Variants in PCDH15 observed in about 807,000 individuals in gnomAD.
PCDH15 encodes the protein protocadherin-15.
In PCDH15, 129 loss-of-function variants were observed where a neutral mutation model predicts 178.5. The ratio of observed to expected loss-of-function variants is 0.72; its 90% CI spans 0.63 to 0.84. PCDH15 has a LOEUF of 0.84. PCDH15 is among the 40% of genes least tolerant of loss of function. PCDH15 has a pLI of 0.00. For missense variants in PCDH15, 2,230 were observed against 2,099.9 expected, an observed-to-expected ratio of 1.06 and a Z score of -1.21; for synonymous variants, 800 against 732.0, an observed-to-expected ratio of 1.09 and a Z score of -1.50.
chr10:55,055,623 T>G (rs896842496), intron 2 of PCDH15, among the ~76,000 whole-genome samples: 3 of 151,998 alleles, frequency 2.0e-5, no homozygotes, highest in African/African-American at 7.2e-5. Context: ...GACAACATGT[T>G]GAAACCTTAT....
At chr10:53,894,289 C>T (rs1241696439) in intron 26 of PCDH15, among the ~76,000 whole-genome samples, 1 of 152,186 alleles carries the variant, frequency 6.6e-6, no homozygotes, top group Non-Finnish European at 1.5e-5. Flanking sequence ...CACCCTCAGA[C>T]ACCTACATAT....
chr10:54,955,301 C>T (rs2131878626), intron 2 of PCDH15, among the ~76,000 whole-genome samples: 1 of 151,264 alleles, frequency 6.6e-6, no homozygotes, highest in African/African-American at 2.4e-5. Context: ...TTTTGTTTTT[C>T]TTTTTACCTC....
intron 15 of PCDH15, among the ~76,000 whole-genome samples, chr10:54,129,412 A>G (rs2133009223): frequency 6.6e-6 from 1 of 152,316 alleles, no homozygotes; most frequent in East Asian, 1.9e-4. Context: ...GTTATTAGAA[A>G]AACATTTCCC....
chr10:54,721,049 C>T (rs977883069), intron 1 of PCDH15, among the ~76,000 whole-genome samples: 4 of 151,960 alleles, frequency 2.6e-5, no homozygotes, highest in African/African-American at 9.7e-5. Context: ...TCTTGGATCA[C>T]AGTGGAATAA....
chr10:54,741,099 T>C (rs765440093), intron 1 of PCDH15, among the ~76,000 whole-genome samples: 5 of 151,838 alleles, frequency 3.3e-5, no homozygotes, highest in Non-Finnish European at 5.9e-5. Context: ...ACACATTGTA[T>C]GCATGTATCA....
intron 2 of PCDH15, among the ~76,000 whole-genome samples, chr10:54,587,150 G>T (rs1202013936): frequency 6.6e-6 from 1 of 152,016 alleles, no homozygotes; most frequent in Non-Finnish European, 1.5e-5. Flanking sequence ...GTGACCATTG[G>T]CATCATCTTT....
chr10:55,260,508 T>C (rs1487203067), intron 1 of PCDH15, among the ~76,000 whole-genome samples: 1 of 151,884 alleles, frequency 6.6e-6, no homozygotes, highest in Non-Finnish European at 1.5e-5. Flanking sequence ...AATAAATTAG[T>C]CAAAAACACA....
intron 3 of PCDH15, among the ~76,000 whole-genome samples, chr10:54,408,786 T>C (rs1953047050): frequency 6.6e-6 from 1 of 152,154 alleles, no homozygotes; most frequent in African/African-American, 2.4e-5. Flanking sequence ...CTTTTTGCAG[T>C]TACAAATCGG....
rs145292191 is a variant in PCDH15, at chr10:54,658,659, A to C, written c.91+5513T>G. Among the ~76,000 whole-genome samples, 15 of 152,312 alleles carry C rather than the reference A, an allele frequency of 9.8e-5. No homozygotes were observed. In the East Asian group the frequency reaches 2.9e-3, roughly 29 times the overall value. On this transcript the variant is annotated intron_variant, in intron 2 of 37. Transcript: ENST00000644397. ...TAAAGGACTTCTAAACATGCAAATG[A>C]AAGGACAATACTTGCTACCAGAAAA...
At chr10:53,874,098 C>A (rs1468308437) in intron 26 of PCDH15, among the ~76,000 whole-genome samples, 4 of 152,000 alleles carry the variant, frequency 2.6e-5, no homozygotes, top group Non-Finnish European at 4.4e-5. Context: ...ATATAAAAAC[C>A]ATAGTACTGA....
At chr10:55,118,472 G>T (rs540423881) in intron 2 of PCDH15, among the ~76,000 whole-genome samples, 1 of 152,182 alleles carries the variant, frequency 6.6e-6, no homozygotes, top group South Asian at 2.1e-4. Context: ...TTTCAACTTT[G>T]ACTGTATATT....
At chr10:53,858,487 T>C (rs773893261) in intron 27 of PCDH15, among the ~76,000 whole-genome samples, 15 of 152,090 alleles carry the variant, frequency 9.9e-5, no homozygotes, top group Non-Finnish European at 2.2e-4. Context: ...AATATTGCAG[T>C]GTGGGAAACA....
At chr10:53,863,306 T>C (rs2079221810) in intron 27 of PCDH15, among the ~76,000 whole-genome samples, 1 of 152,022 alleles carries the variant, frequency 6.6e-6, no homozygotes, top group Non-Finnish European at 1.5e-5. Context: ...GAGAAGAAAA[T>C]GAACCAGTGA....
At chr10:54,400,367 A>C (rs2135465676) in intron 3 of PCDH15, among the ~76,000 whole-genome samples, 1 of 152,216 alleles carries the variant, frequency 6.6e-6, no homozygotes, top group East Asian at 1.9e-4. Flanking sequence ...TACCCCCAGA[A>C]AATAAACGGA....
intron 2 of PCDH15, among the ~76,000 whole-genome samples, chr10:55,588,187 C>T (rs1842765845): frequency 6.6e-6 from 1 of 152,130 alleles, no homozygotes; most frequent in African/African-American, 2.4e-5. Context: ...AAACCTGGGG[C>T]TACCTTTTTT....
rs185875968 is a variant in PCDH15 at position 53,927,550 on chromosome 10, A to G, written c.3373+11265T>C. On this transcript the variant is annotated intron_variant, in intron 25 of 37. Coordinates refer to ENST00000644397, the MANE Select transcript of PCDH15 (RefSeq NM_001384140.1). ...GGTTAATTATAATGTGATCTTTTAT[A>G]TAAACGATAAATATCAAAAAGGTGG... Among the ~76,000 whole-genome samples the G allele has an allele frequency of 4.6e-3, 695 of 152,260 alleles. 9 individuals carry two copies. The highest frequency in any genetic ancestry group is 0.016 in the African/African-American group (677 of 41,582).
intron 27 of PCDH15, among the ~76,000 whole-genome samples, chr10:53,858,359 G>A (rs553917973): frequency 4.0e-4 from 61 of 152,116 alleles, no homozygotes; most frequent in African/African-American, 1.4e-3. Flanking sequence ...CAGGAACCAG[G>A]CAGGTAACTT....
chr10:55,125,033 C>T (rs1363387124), intron 2 of PCDH15, among the ~76,000 whole-genome samples: 5 of 151,856 alleles, frequency 3.3e-5, no homozygotes, highest in African/African-American at 1.2e-4. Flanking sequence ...ACTTAAAGGC[C>T]CTAAAAGTGA....
chr10:55,246,601 T>G (rs1242291082), intron 1 of PCDH15, among the ~76,000 whole-genome samples: 1 of 152,166 alleles, frequency 6.6e-6, no homozygotes, highest in Non-Finnish European at 1.5e-5. Flanking sequence ...TCTAACTGTA[T>G]TATGTAAGAA....
Sources: gnomAD v4.1 joint callset for allele counts (sites outside exome capture counted in the v4.1 genomes callset) on GRCh38, gnomAD v4.1.1 for gene constraint, MANE v1.5 for transcripts, NCBI Gene and HGNC (gene_info 2026-07-23, HGNC 2026-07-21) for gene names.